EHBP1: variants seen among roughly 807,000 people sequenced by gnomAD.
The protein encoded by EHBP1 is EH domain binding protein 1.
EHBP1 carries 55 observed loss-of-function variants against 144.0 expected under a neutral mutation model. That is an observed-to-expected ratio of 0.38 (90% CI 0.31 to 0.48). EHBP1 has a LOEUF of 0.48. Ranked by LOEUF, EHBP1 falls within the 20% of genes least tolerant of loss-of-function variation. The pLI, the probability that EHBP1 is intolerant of heterozygous loss-of-function variation, is 0.98. For synonymous variants in EHBP1, 469 were observed against 472.7 expected (o/e 0.99, Z 0.10); for missense variants, 1,200 against 1,364.2 (o/e 0.88, Z 1.90).
intron 10 of EHBP1, among the ~76,000 whole-genome samples, chr2:62,917,644 GTTATA>G (rs1471753151): frequency 6.6e-6 from 1 of 152,056 alleles, no homozygotes; most frequent in Admixed American, 6.5e-5. Flanking sequence ...ATATGATTTA[GTTATA>G]TTAAATTTAC....
At chr2:62,862,846 AT>A (rs1247320710) in intron 8 of EHBP1, among the ~76,000 whole-genome samples, 1 of 152,092 alleles carries the variant, frequency 6.6e-6, no homozygotes, top group Non-Finnish European at 1.5e-5. Flanking sequence ...TTGAGAAAAT[AT>A]TTTTATCAGC....
At chr2:62,714,314 T>C (rs2035454071) in intron 2 of EHBP1, among the ~76,000 whole-genome samples, 1 of 152,220 alleles carries the variant, frequency 6.6e-6, no homozygotes, top group African/African-American at 2.4e-5. Context: ...ATACAGAGTC[T>C]AGCACCTTTC....
chr2:62,951,890 G>T (rs2057413349), intron 13 of EHBP1, among the ~76,000 whole-genome samples: 1 of 152,120 alleles, frequency 6.6e-6, no homozygotes, highest in African/African-American at 2.4e-5. Flanking sequence ...ATTGATTGAT[G>T]TTTAAAATTT....
intron 1 of EHBP1, among the ~76,000 whole-genome samples, chr2:62,689,431 C>T (rs1307551446): frequency 6.6e-6 from 1 of 152,116 alleles, no homozygotes; most frequent in Non-Finnish European, 1.5e-5. Flanking sequence ...TCGCTTGAGG[C>T]CAGGAGTTCA....
chr2:62,885,743 G>C (rs1450341807), intron 10 of EHBP1, among the ~76,000 whole-genome samples: 1 of 152,112 alleles, frequency 6.6e-6, no homozygotes, highest in Non-Finnish European at 1.5e-5. Flanking sequence ...ACAGTTCTCT[G>C]ATTGCATAGA....
chr2:62,752,054 T>C (rs1349928006), intron 3 of EHBP1, among the ~76,000 whole-genome samples: 3 of 152,174 alleles, frequency 2.0e-5, no homozygotes, highest in African/African-American at 7.2e-5. Flanking sequence ...CTTGCTTCTC[T>C]AGTTCTTTTA....
intron 10 of EHBP1, among the ~76,000 whole-genome samples, chr2:62,912,038 T>C (rs1297102672): frequency 6.6e-6 from 1 of 152,184 alleles, no homozygotes; most frequent in Admixed American, 6.5e-5. Flanking sequence ...GATTCTTTAA[T>C]AGTATACTTG....
Position 62,948,716 on chromosome 2 carries a change from A to G in EHBP1, c.1870A>G (p.Ser624Gly), listed in dbSNP as rs1478657571. ...CACAGAACCCCAGAAGTCTCAGCAG[A>G]GCTCTGGAAGGACTTCAGGATCTGA... ...SDTEPQKSQQSSGRTSGSDDP... is the reference protein window; with the variant it reads ...SDTEPQKSQQGSGRTSGSDDP... The change falls in exon 13 of 23, where the codon AGC becomes GGC. Residue 624 changes from serine (S) to glycine (G), a missense_variant. Coordinates refer to ENST00000431489, the MANE Select transcript of EHBP1 (RefSeq NM_001142616.3). The G allele has an allele frequency of 2.5e-6, 4 of 1,613,988 alleles. No individual in the cohort carries two copies. The highest frequency in any genetic ancestry group is 3.4e-6 in the Non-Finnish European group (4 of 1,180,008).
chr2:62,858,462 A>G (rs760192911), intron 7 of EHBP1: 4 of 1,612,296 alleles, frequency 2.5e-6, no homozygotes, highest in Admixed American at 1.7e-5. Context: ...AGATGACTGC[A>G]TAAAGCAAGC....
chr2:62,727,411 A>C (rs546381999), intron 2 of EHBP1, among the ~76,000 whole-genome samples: 41 of 151,918 alleles, frequency 2.7e-4, no homozygotes, highest in Non-Finnish European at 5.1e-4. Flanking sequence ...CATAGTCACT[A>C]TCTAATTTTG....
rs141954800 is a variant in EHBP1 at position 62,984,208 on chromosome 2, A to G, written c.2608+4873A>G. On this transcript the variant is annotated intron_variant, in intron 15 of 22. Coordinates refer to ENST00000431489, the MANE Select transcript of EHBP1 (RefSeq NM_001142616.3). The stretch of plus-strand genomic sequence containing the variant: ...ACTTCACTTTCTGTTTAAAAAATGC[A>G]GATATTCTCTCTCTCTCTCTTTTTT... Among the ~76,000 whole-genome samples the G allele has an allele frequency of 2.6e-4, 39 of 152,252 alleles. 1 individual carries two copies. In the East Asian group the frequency reaches 6.7e-3, roughly 26 times the overall value.
At chr2:62,728,690 A>G (rs2037087558) in intron 2 of EHBP1, among the ~76,000 whole-genome samples, 1 of 150,468 alleles carries the variant, frequency 6.6e-6, no homozygotes. Context: ...GTTGTAAGCT[A>G]TTTACTTTCT....
At chr2:62,931,905 G>A (rs968573354) in intron 10 of EHBP1, among the ~76,000 whole-genome samples, 1 of 152,106 alleles carries the variant, frequency 6.6e-6, no homozygotes, top group African/African-American at 2.4e-5. Context: ...CCCATCAGGT[G>A]CAGTGGTTCA....
At chr2:62,956,474 T>A (rs1050998012) in intron 14 of EHBP1, among the ~76,000 whole-genome samples, 6 of 152,162 alleles carry the variant, frequency 3.9e-5, no homozygotes, top group South Asian at 2.1e-4. Context: ...AGAAGTACCC[T>A]ATTGCTTATG....
chr2:62,916,788 CTT>C (rs2054651864), intron 10 of EHBP1, among the ~76,000 whole-genome samples: 1 of 148,316 alleles, frequency 6.7e-6, no homozygotes, highest in Non-Finnish European at 1.5e-5. Flanking sequence ...TATATATTAT[CTT>C]TTATATATAA....
chr2:62,960,874 C>A (rs1409621275), intron 14 of EHBP1, among the ~76,000 whole-genome samples: 1 of 152,162 alleles, frequency 6.6e-6, no homozygotes, highest in Non-Finnish European at 1.5e-5. Context: ...TTATATCATT[C>A]TTTCCTTGCT....
chr2:62,802,478 G>T (rs2044076022), intron 5 of EHBP1, among the ~76,000 whole-genome samples: 1 of 152,168 alleles, frequency 6.6e-6, no homozygotes, highest in East Asian at 1.9e-4. Context: ...AATGTCTGTT[G>T]TTCCCCTTCC....
At chr2:62,951,745 G>A (rs576830238) in intron 13 of EHBP1, among the ~76,000 whole-genome samples, 5 of 151,888 alleles carry the variant, frequency 3.3e-5, no homozygotes, top group South Asian at 2.1e-4. Flanking sequence ...GGCTGGTCTC[G>A]AACTCCTGAC....
At chr2:62,919,417 G>T (rs905982630) in intron 10 of EHBP1, among the ~76,000 whole-genome samples, 1 of 152,180 alleles carries the variant, frequency 6.6e-6, no homozygotes, top group Non-Finnish European at 1.5e-5. Context: ...CCAGGGAAAG[G>T]CACAGGTACA....
Sources: allele counts gnomAD v4.1 joint callset (sites outside exome capture counted in the v4.1 genomes callset), GRCh38; gene constraint gnomAD v4.1.1; transcripts MANE v1.5; gene names NCBI Gene and HGNC (gene_info 2026-07-23, HGNC 2026-07-21).